The following RORC variants were observed in gnomAD, a reference collection of about 807,000 sequenced individuals.
RORC encodes the protein RAR related orphan receptor C, also known as nuclear receptor ROR-gamma.
Under a neutral mutation model 64.5 loss-of-function variants are expected in RORC, and 13 were observed. That is an observed-to-expected ratio of 0.20 (90% CI 0.13 to 0.32). The LOEUF is 0.32. Among genes scored for constraint, RORC ranks in the 10% least tolerant of loss-of-function variants. The pLI is 1.00. For synonymous variants in RORC, 277 were observed against 259.3 expected (o/e 1.07, Z -0.65); for missense variants, 468 against 669.5 (o/e 0.70, Z 3.32).
At chr1:151,812,568 C>T (rs1651584417) in intron 9 of RORC, 1 of 196,260 alleles carries the variant, frequency 5.1e-6, no homozygotes, top group East Asian at 1.3e-4. Context: ...AGCACATGTA[C>T]ACTGGAATCT....
rs771168526 is a variant in RORC at position 151,812,997 on chromosome 1, A to G, written c.1235T>C (p.Phe412Ser). 6.2e-7 allele frequency: 1 copy of G among 1,614,138 alleles called. No homozygotes were observed. Among genetic ancestry groups the G allele is most frequent in the South Asian group, 1.1e-5 (1 of 91,084 alleles). Reference sequence around the variant, plus strand: ...GTAGAGGGCAATCTCATCCTCGGAAAAGTGCAAGGCACTTAGGGAGTGGGA... The same window carrying G: ...GTAGAGGGCAATCTCATCCTCGGAAGAGTGCAAGGCACTTAGGGAGTGGGA... ...DFSHSLSALH[F>S]SEDEIALYTA... is the part of the protein sequence containing the mutation. Residue 412 changes from phenylalanine to serine, a missense_variant, in exon 9 of 11, where the codon TTT becomes TCT. Phe to Ser is a radical substitution (Grantham distance 155). This residue lies in a region of RORC where 100 missense variants were observed against 190.8 expected (regional missense o/e 0.52). Transcript: ENST00000318247.
rs1652427449 is a variant in RORC, at chr1:151,831,756, C to G, written c.9G>C (p.Arg3Ser). 2.5e-6 allele frequency: 4 copies of G among 1,609,642 alleles called. No individual in the cohort carries two copies. Among genetic ancestry groups the G allele is most frequent in the African/African-American group, 1.3e-5 (1 of 74,908 alleles). Residue 3 changes from arginine to serine, a missense_variant, in exon 1 of 11, where the codon AGG (arginine) becomes AGC (serine). Physicochemically the swap from Arg to Ser is moderately radical, Grantham distance 110. Transcript: ENST00000318247. ...AGGCTCGGTGCTGTCTCTGTGGGGC[C>G]CTGTCCATGGGGCAGCTCCCTTGGT... MD[R>S]APQRQHRASR...
chr1:151,813,659 G>A (rs201146223), intron 6 of RORC, 39 bp from the exon 7 acceptor site: 39 of 1,608,414 alleles, frequency 2.4e-5, no homozygotes, highest in Non-Finnish European at 2.9e-5. Flanking sequence ...AGCGCTCTGT[G>A]TGGCCCTGTG....
rs1462881018 is a variant in RORC at position 151,830,501 on chromosome 1, T to C, written c.41-1043A>G. Reference sequence around the variant, plus strand: ...ACATAGCAGCTCATCACAGAACACATGGCCAGTCTTTTGTCTCAGAAAGCC... The same window carrying C: ...ACATAGCAGCTCATCACAGAACACACGGCCAGTCTTTTGTCTCAGAAAGCC... On this transcript the variant is annotated intron_variant, in intron 1 of 10. Coordinates refer to ENST00000318247, the MANE Select transcript of RORC (RefSeq NM_005060.4). The surrounding 1 kb of genome is among the most constrained non-coding windows in gnomAD (Gnocchi z 4.0). Among the ~76,000 whole-genome samples the C allele has an allele frequency of 6.6e-6, 1 of 152,024 alleles. No homozygotes were observed. The highest frequency in any genetic ancestry group is 1.9e-4 in the East Asian group (1 of 5,192).
At chr1:151,826,178 A>G in intron 2 of RORC, 1 of 1,065,378 alleles carries the variant, frequency 9.4e-7, no homozygotes, top group African/African-American at 1.6e-5. Context: ...GAGTAGGATG[A>G]CAGGCGCCCC....
chr1:151,830,311 G>A lies in RORC; in HGVS notation c.41-853C>T, dbSNP rs939679136. On this transcript the variant is annotated intron_variant, in intron 1 of 10. Transcript: ENST00000318247. This position sits in a 1 kb window ranked among gnomAD's most constrained non-coding sequence, Gnocchi z 4.0. ...GTCGATGGGGGTCACATGGATACTCGGACCTCCAGGGGGAGCAGCCGTTGA... is the reference window on the plus strand; with the variant it reads ...GTCGATGGGGGTCACATGGATACTCAGACCTCCAGGGGGAGCAGCCGTTGA... Among the ~76,000 whole-genome samples, 4 of 151,856 alleles carry A rather than the reference G, an allele frequency of 2.6e-5. No homozygotes were observed. Among genetic ancestry groups the A allele is most frequent in the African/African-American group, 9.7e-5 (4 of 41,310 alleles).
At chr1:151,812,866 T>A (rs1651592766) in intron 9 of RORC, 81 bp downstream of exon 9, 1 of 854,404 alleles carries the variant, frequency 1.2e-6, no homozygotes, top group African/African-American at 1.7e-5. Flanking sequence ...TTTAACTACA[T>A]CTGAAGGTCT....
At chr1:151,822,327 G>A (rs1221109574) in intron 2 of RORC, among the ~76,000 whole-genome samples, 1 of 152,218 alleles carries the variant, frequency 6.6e-6, no homozygotes, top group Non-Finnish European at 1.5e-5. Flanking sequence ...GGCTGGGGGA[G>A]AAGTGGTTCT....
intron 2 of RORC, among the ~76,000 whole-genome samples, chr1:151,819,722 C>A (rs1020139025): frequency 1.4e-4 from 22 of 152,274 alleles, no homozygotes; most frequent in Admixed American, 7.2e-4. Context: ...ATGCTTGACC[C>A]ACTGCTTCTC....
chr1:151,807,716 A>G lies in RORC; in HGVS notation c.1396-83T>C, dbSNP rs1321312266. ...GAAGTCCGCTCATTCTTCCTGGGCT[A>G]GGACAAACCCTCCTTGCCTTCCCCT... On this transcript the variant is annotated intron_variant, in intron 10 of 10. Transcript: ENST00000318247. This position sits in a 1 kb window ranked among gnomAD's most constrained non-coding sequence, Gnocchi z 5.0. The G allele has an allele frequency of 4.8e-6, 7 of 1,463,874 alleles. No homozygotes were observed. In the East Asian group the frequency reaches 6.8e-5, roughly 14 times the overall value. 90.7% of individuals were successfully genotyped at this position (1,463,874 alleles called of 1,614,324 possible).
intron 6 of RORC, 76 bp from the exon 7 acceptor site, chr1:151,813,696 T>C: frequency 6.5e-7 from 1 of 1,530,620 alleles, no homozygotes; most frequent in East Asian, 2.3e-5. Context: ...GAGCCCCACC[T>C]AATAAACTGC....
chr1:151,815,258 C>A lies in RORC; in HGVS notation c.466G>T (p.Gly156Trp). Reference protein sequence around the residue: ...TLTYTLGLPDGQLPLGSSPDL... With the variant: ...TLTYTLGLPDWQLPLGSSPDL... ...GGCGAGGAGCCCAGGGGCAGCTGCC[C>A]GTCTGGGAGCCCCAAGGTGTAGGTG... Residue 156 changes from glycine (G) to tryptophan (W), a missense_variant, in exon 5 of 11, where the codon GGG becomes TGG. By Grantham distance (184) the Gly-to-Trp change is radical. Around this residue, in one of 5 missense-constraint regions of RORC, gnomAD observed 241 missense variants for 295.5 expected, o/e 0.82. Transcript: ENST00000318247. 1 of 1,609,418 alleles carries A rather than the reference C, an allele frequency of 6.2e-7. No individual in the cohort carries two copies. Among genetic ancestry groups the A allele is most frequent in the Non-Finnish European group, 8.5e-7 (1 of 1,176,862 alleles).
Position 151,807,126 on chromosome 1 carries a change from G to A in RORC, c.*346C>T, listed in dbSNP as rs1651345623. The stretch of plus-strand genomic sequence containing the variant: ...ATGAATTGCATTCTATTCATCCAGG[G>A]AGCCCTGGATGCCCCTGTTTTCTTG... On this transcript the variant is annotated 3_prime_UTR_variant, in exon 11 of 11. Coordinates refer to ENST00000318247, the MANE Select transcript of RORC (RefSeq NM_005060.4). This position sits in a 1 kb window ranked among gnomAD's most constrained non-coding sequence, Gnocchi z 5.0. 4.5e-6 allele frequency: 1 copy of A among 221,678 alleles called. No homozygotes were observed. The highest frequency in any genetic ancestry group is 8.9e-6 in the Non-Finnish European group (1 of 112,206). 13.7% of individuals were successfully genotyped at this position (221,678 alleles called of 1,614,324 possible). A position where few individuals can be genotyped will look rare whatever the true frequency, so the allele number is the denominator to read the frequency against.
chr1:151,819,448 T>C (rs1054040396), intron 2 of RORC, among the ~76,000 whole-genome samples: 1 of 152,188 alleles, frequency 6.6e-6, no homozygotes, highest in African/African-American at 2.4e-5. Context: ...TCGGGCCCTG[T>C]GGACTCTGTT....
intron 2 of RORC, among the ~76,000 whole-genome samples, chr1:151,818,496 CT>C (rs1364743691): frequency 6.6e-6 from 1 of 152,200 alleles, no homozygotes; most frequent in Non-Finnish European, 1.5e-5. Context: ...ATGCCCACGA[CT>C]CTCTGCTGAG....
rs1485203691 is a variant in RORC, at chr1:151,807,373, C to G, written c.*99G>C. 1 of 1,296,102 alleles carries G rather than the reference C, an allele frequency of 7.7e-7. No individual in the cohort carries two copies. Among genetic ancestry groups the G allele is most frequent in the Admixed American group, 2.2e-5 (1 of 45,302 alleles). The allele number at this position is 1,296,102 out of a possible 1,614,324, so 80.3% of individuals were successfully genotyped here. On this transcript the variant is annotated 3_prime_UTR_variant, in exon 11 of 11. Transcript: ENST00000318247. The surrounding 1 kb of genome is among the most constrained non-coding windows in gnomAD (Gnocchi z 5.0). ...TTCCAAAGAGCTGGTGGGGACCACC[C>G]TCCAGGGTTCATGGGAAAGGAAAAG...
At chr1:151,825,791 C>A (rs955469810) in intron 2 of RORC, 23 of 975,648 alleles carry the variant, frequency 2.4e-5, no homozygotes, top group Non-Finnish European at 3.4e-5. Flanking sequence ...CCACCCATCT[C>A]CCAACAGATC....
At chr1:151,826,928 G>A (rs2101676252) in intron 2 of RORC, among the ~76,000 whole-genome samples, 1 of 152,288 alleles carries the variant, frequency 6.6e-6, no homozygotes, top group Admixed American at 6.5e-5. Flanking sequence ...GACCGGCCTG[G>A]CCAACATGGT....
At chr1:151,813,458 C>G in intron 7 of RORC, 30 bp downstream of exon 7, 1 of 1,613,612 alleles carries the variant, frequency 6.2e-7, no homozygotes, top group Non-Finnish European at 8.5e-7. Flanking sequence ...GTCCCCTTGT[C>G]CCCAGGCCTG....
Sources: allele counts gnomAD v4.1 joint callset (sites outside exome capture counted in the v4.1 genomes callset), GRCh38; gene constraint gnomAD v4.1.1; regional missense constraint gnomAD v4.1.1; non-coding constraint Gnocchi (gnomAD v3.1); transcripts MANE v1.5; gene names NCBI Gene and HGNC (gene_info 2026-07-23, HGNC 2026-07-21).